Variants in TESK1 observed in about 807,000 individuals in gnomAD.
The protein encoded by TESK1 is dual specificity testis-specific protein kinase 1.
Under a neutral mutation model 59.9 loss-of-function variants are expected in TESK1, and 18 were observed. That is an observed-to-expected ratio of 0.30 (90% CI 0.21 to 0.45). The LOEUF is 0.45. Among genes scored for constraint, TESK1 ranks in the 20% least tolerant of loss-of-function variants. The probability of loss-of-function intolerance (pLI) is 1.00; values close to 1 mark genes in which losing one functional copy is unlikely to be tolerated. For synonymous variants in TESK1, 341 were observed against 357.4 expected, an observed-to-expected ratio of 0.95 and a Z score of 0.52; for missense variants, 748 against 840.9, an observed-to-expected ratio of 0.89 and a Z score of 1.37.
chr9:35,609,253 T>C lies in TESK1; in HGVS notation c.1392T>C (p.Ala464=), dbSNP rs1174699469. 1.9e-6 allele frequency: 3 copies of C among 1,614,086 alleles called. No homozygotes were observed. Among genetic ancestry groups the C allele is most frequent in the Middle Eastern group, 1.6e-4 (1 of 6,062 alleles). The part of the protein sequence containing the change: ...GPGPPAVGPS[A]EEKMECEGSS... The stretch of plus-strand genomic sequence containing the variant: ...GCCCTCCCGCTGTGGGCCCCTCGGC[T>C]GAAGAGAAGATGGAGTGCGAGGGCA... The change falls in exon 10 of 10, where the codon GCT becomes GCC. Residue 464 remains alanine, a synonymous_variant. Transcript: ENST00000336395. The surrounding 1 kb of genome is among the most constrained non-coding windows in gnomAD (Gnocchi z 6.7).
chr9:35,605,869 G>T (rs1822837060), intron 1 of TESK1, 31 bp downstream of exon 1: 14 of 1,607,634 alleles, frequency 8.7e-6, no homozygotes, highest in Non-Finnish European at 1.2e-5. Flanking sequence ...AGAGGGGCGG[G>T]ACCGAGCCTT....
chr9:35,609,844 G>A lies in TESK1; in HGVS notation c.*102G>A, dbSNP rs1047762604. On this transcript the variant is annotated 3_prime_UTR_variant, in exon 10 of 10. Coordinates refer to ENST00000336395, the MANE Select transcript of TESK1 (RefSeq NM_006285.3). The surrounding 1 kb of genome is among the most constrained non-coding windows in gnomAD (Gnocchi z 6.7). ...AGTGCCAGTTCCAGATGGGCTGACC[G>A]GCTCTTCTCCCCGTGTAGGGGAGCC... 17 of 1,347,070 alleles carry A rather than the reference G, an allele frequency of 1.3e-5. No individual in the cohort carries two copies. The highest frequency in any genetic ancestry group is 1.5e-5 in the South Asian group (1 of 65,584). 83.4% of individuals were successfully genotyped at this position (1,347,070 alleles called of 1,614,324 possible).
At chr9:35,606,697 A>G in intron 3 of TESK1, 140 bp from the exon 4 acceptor site, 1 of 733,856 alleles carries the variant, frequency 1.4e-6, no homozygotes, top group East Asian at 2.7e-5. Flanking sequence ...ATCCTAGAAC[A>G]TGGATGGGGG....
rs547421043 is a variant in TESK1, at chr9:35,606,424, C to T, written c.390+139C>T. ...CTCAGGGGAGGCTTTCCTGAACTTT[C>T]CTTTAGGCAAACCACATATAAAAGG... On this transcript the variant is annotated intron_variant, in intron 3 of 9. Coordinates refer to ENST00000336395, the MANE Select transcript of TESK1 (RefSeq NM_006285.3). 5.9e-4 allele frequency: 594 copies of T among 1,003,014 alleles called. 1 individual carries two copies. The highest frequency in any genetic ancestry group is 8.3e-4 in the Non-Finnish European group (546 of 659,346). The allele number at this position is 1,003,014 out of a possible 1,614,324, so 62.1% of individuals were successfully genotyped here. A position where few individuals can be genotyped will look rare whatever the true frequency, so the allele number is the denominator to read the frequency against.
chr9:35,607,218 C>G lies in TESK1; in HGVS notation c.538-109C>G. 7.0e-7 allele frequency: 1 copy of G among 1,430,694 alleles called. No homozygotes were observed. The highest frequency in any genetic ancestry group is 9.8e-7 in the Non-Finnish European group (1 of 1,022,168). The allele number at this position is 1,430,694 out of a possible 1,614,324, so 88.6% of individuals were successfully genotyped here. A position where few individuals can be genotyped will look rare whatever the true frequency, so the allele number is the denominator to read the frequency against. Reference sequence around the variant, plus strand: ...GAAGTGCCTTGAAAAACTGGGAGAGCAGAGAGGGTTGGAGTTATGCTGGAG... The same window carrying G: ...GAAGTGCCTTGAAAAACTGGGAGAGGAGAGAGGGTTGGAGTTATGCTGGAG... On this transcript the variant is annotated intron_variant, in intron 4 of 9. Coordinates refer to ENST00000336395, the MANE Select transcript of TESK1 (RefSeq NM_006285.3). This position sits in a 1 kb window ranked among gnomAD's most constrained non-coding sequence, Gnocchi z 4.5.
chr9:35,609,424 G>C lies in TESK1; in HGVS notation c.1563G>C (p.Val521=). 1 of 1,609,056 alleles carries C rather than the reference G, an allele frequency of 6.2e-7. No individual in the cohort carries two copies. The highest frequency in any genetic ancestry group is 8.5e-7 in the Non-Finnish European group (1 of 1,177,414). The change falls in exon 10 of 10, where the codon GTG becomes GTC. Residue 521 remains valine, a synonymous_variant. Coordinates refer to ENST00000336395, the MANE Select transcript of TESK1 (RefSeq NM_006285.3). The surrounding 1 kb of genome is among the most constrained non-coding windows in gnomAD (Gnocchi z 6.7). The part of the protein sequence containing the change: ...GPVLNNNPPA[V]VVNSPQGWAG... ...TCCTCAATAACAATCCCCCAGCTGT[G>C]GTGGTGAACTCCCCACAAGGCTGGG... is the stretch of plus-strand genomic sequence containing the variant.
rs1002067089 is a variant in TESK1, at chr9:35,609,902, G to T, written c.*160G>T. 1 of 848,736 alleles carries T rather than the reference G, an allele frequency of 1.2e-6. No homozygotes were observed. The highest frequency in any genetic ancestry group is 1.7e-6 in the Non-Finnish European group (1 of 578,844). 52.6% of individuals were successfully genotyped at this position (848,736 alleles called of 1,614,324 possible). On this transcript the variant is annotated 3_prime_UTR_variant, in exon 10 of 10. Transcript: ENST00000336395. This position sits in a 1 kb window ranked among gnomAD's most constrained non-coding sequence, Gnocchi z 6.7. ...GGACTCAAGGGACAGAGCACTTCCA[G>T]TCGACCCCCCGGCTCGCGTTCCCGT...
At position 35,609,402 on chromosome 9, in the gene TESK1, T is replaced by G. The variant is rs867863847; in HGVS notation, c.1541T>G (p.Leu514Arg). 1.2e-6 allele frequency: 2 copies of G among 1,608,838 alleles called. No homozygotes were observed. Among genetic ancestry groups the G allele is most frequent in the Middle Eastern group, 1.7e-4 (1 of 6,038 alleles). The change falls in exon 10 of 10, where the codon CTC becomes CGC. Residue 514 changes from leucine (L) to arginine (R), a missense_variant. By Grantham distance (102) the Leu-to-Arg change is moderately radical (BLOSUM62 -2). Around this residue, in one of 3 missense-constraint regions of TESK1, gnomAD observed 447 missense variants for 466.1 expected, o/e 0.96. Transcript: ENST00000336395. This position sits in a 1 kb window ranked among gnomAD's most constrained non-coding sequence, Gnocchi z 6.7. ...TGGTCCCCTAGATCAGGACCCGTCC[T>G]CAATAACAATCCCCCAGCTGTGGTG... The part of the protein sequence containing the change: ...QPWSPRSGPV[L>R]NNNPPAVVVN...
At chr9:35,606,663 A>G (rs7028204) in intron 3 of TESK1, among the ~76,000 whole-genome samples, 174 bp from the exon 4 acceptor site, 2,895 of 152,146 alleles carry the variant, frequency 0.019, 96 homozygotes, top group African/African-American at 0.063. Context: ...CACATGGCTA[A>G]TGGCTATTGA....
At position 35,606,896 on chromosome 9, in the gene TESK1, G is replaced by A. The variant is rs774204273; in HGVS notation, c.450G>A (p.Pro150=). ...GCTCCCCTGAACCCCTGTCCTGGCC[G>A]GTCAGGCTCCACCTGGCCCTGGACA... ...LLSSPEPLSW[P]VRLHLALDIA... Residue 150 remains proline, a synonymous_variant, in exon 4 of 10, where the codon CCG becomes CCA. Transcript: ENST00000336395. 1.1e-5 allele frequency: 18 copies of A among 1,613,680 alleles called. No homozygotes were observed. Among genetic ancestry groups the A allele is most frequent in the East Asian group, 2.2e-5 (1 of 44,898 alleles).
In TESK1 at chr9:35,608,546, T is replaced by C. The variant is rs1240234737; in HGVS notation, c.1000+37T>C. The C allele has an allele frequency of 2.5e-6, 4 of 1,583,868 alleles. No individual in the cohort carries two copies. In the African/African-American group the frequency reaches 5.4e-5, roughly 21 times the overall value. On this transcript the variant is annotated intron_variant, in intron 9 of 9. Transcript: ENST00000336395. The stretch of plus-strand genomic sequence containing the variant: ...TGACCTTGATCCAGCTTGAGTCCTT[T>C]GGCCTTTGTCCTCCCTAGAATTCAG...
chr9:35,609,413 C>A lies in TESK1; in HGVS notation c.1552C>A (p.Pro518Thr), dbSNP rs1396786352. 6.2e-7 allele frequency: 1 copy of A among 1,608,578 alleles called. No individual in the cohort carries two copies. Residue 518 changes from proline to threonine, a missense_variant, in exon 10 of 10, where the codon CCC becomes ACC. Around this residue, in one of 3 missense-constraint regions of TESK1, gnomAD observed 447 missense variants for 466.1 expected, o/e 0.96. Transcript: ENST00000336395. The surrounding 1 kb of genome is among the most constrained non-coding windows in gnomAD (Gnocchi z 6.7). ...PRSGPVLNNN[P>T]PAVVVNSPQG... ...ATCAGGACCCGTCCTCAATAACAAT[C>A]CCCCAGCTGTGGTGGTGAACTCCCC...
rs1159221660 is a variant in TESK1, at chr9:35,608,944, GCC to G, written c.1087_1088del (p.Pro363IlefsTer102). Reference sequence around the variant, plus strand: ...CCCGAAGCCGGTCAGACCTCTTCCTGCCCCCATCACCAGAATCACCCCCCAAC... The same window carrying G: ...CCCGAAGCCGGTCAGACCTCTTCCTGCCCATCACCAGAATCACCCCCCAAC... ...LSRSRSDLFL[P>X]PSPESPPNWG... On this transcript the variant is annotated frameshift_variant, in exon 10 of 10. Transcript: ENST00000336395. LOFTEE classifies it high-confidence loss of function. 1 of 1,614,040 alleles carries G rather than the reference GCC, an allele frequency of 6.2e-7. No individual in the cohort carries two copies.
rs768606302 is a variant in TESK1 at position 35,607,351 on chromosome 9, C to G, written c.562C>G (p.Arg188Gly). ...GAACTGTCTAGTCCGACGGGAAGAT[C>G]GAGGCTTCACCGCTGTCGTGGGTGA... ...SKNCLVRRED[R>G]GFTAVVGDFG... The change falls in exon 5 of 10, where the codon CGA becomes GGA. Residue 188 changes from arginine to glycine, a missense_variant. Physicochemically the swap from Arg to Gly is moderately radical, Grantham distance 125. Transcript: ENST00000336395. This position sits in a 1 kb window ranked among gnomAD's most constrained non-coding sequence, Gnocchi z 4.5. The G allele has an allele frequency of 1.3e-5, 21 of 1,613,938 alleles. No homozygotes were observed. Among genetic ancestry groups the G allele is most frequent in the Non-Finnish European group, 1.7e-5 (20 of 1,180,000 alleles).
chr9:35,607,288 G>C lies in TESK1; in HGVS notation c.538-39G>C. The stretch of plus-strand genomic sequence containing the variant: ...ACATTGGGAGGCCAGACAGCAGAAG[G>C]TGATGAGTGCGTGGGGATACTATGT... On this transcript the variant is annotated intron_variant, in intron 4 of 9. Coordinates refer to ENST00000336395, the MANE Select transcript of TESK1 (RefSeq NM_006285.3). This position sits in a 1 kb window ranked among gnomAD's most constrained non-coding sequence, Gnocchi z 4.5. The C allele has an allele frequency of 6.2e-7, 1 of 1,611,372 alleles. No individual in the cohort carries two copies. Among genetic ancestry groups the C allele is most frequent in the East Asian group, 2.2e-5 (1 of 44,850 alleles).
rs1822824628 is a variant in TESK1 at position 35,605,522 on chromosome 9, G to T, written c.-98G>T. ...TCAGGGCGGGAGCCGGAGTCCGGGC[G>T]CCCGGGATCGGGCTGGGCCCGCGCC... On this transcript the variant is annotated 5_prime_UTR_variant, in exon 1 of 10. Coordinates refer to ENST00000336395, the MANE Select transcript of TESK1 (RefSeq NM_006285.3). 3.4e-6 allele frequency: 1 copy of T among 296,350 alleles called. No homozygotes were observed. The highest frequency in any genetic ancestry group is 6.0e-6 in the Non-Finnish European group (1 of 167,142). The allele number at this position is 296,350 out of a possible 1,614,324, so 18.4% of individuals were successfully genotyped here. A position where few individuals can be genotyped will look rare whatever the true frequency, so the allele number is the denominator to read the frequency against.
intron 1 of TESK1, 38 bp from the exon 2 acceptor site, chr9:35,605,946 C>G: frequency 1.2e-6 from 2 of 1,611,102 alleles, no homozygotes; most frequent in East Asian, 2.2e-5. Flanking sequence ...GCGACCCGCC[C>G]GACCTGCCCG....
At position 35,609,024 on chromosome 9, in the gene TESK1, G is replaced by A. The variant is rs1429924339; in HGVS notation, c.1163G>A (p.Arg388Lys). ...VNPFSLREDL[R>K]GGKIKLLDTP... ...CCCTTCTCACTACGGGAAGACCTCA[G>A]GGGTGGCAAGATCAAGCTCTTAGAC... is the stretch of plus-strand genomic sequence containing the variant. The change falls in exon 10 of 10, where the codon AGG (arginine) becomes AAG (lysine). Residue 388 changes from arginine (R) to lysine (K), a missense_variant. This residue lies in a region of TESK1 where 447 missense variants were observed against 466.1 expected (regional missense o/e 0.96). Coordinates refer to ENST00000336395, the MANE Select transcript of TESK1 (RefSeq NM_006285.3). The surrounding 1 kb of genome is among the most constrained non-coding windows in gnomAD (Gnocchi z 6.7). 1.9e-6 allele frequency: 3 copies of A among 1,614,188 alleles called. No homozygotes were observed. The highest frequency in any genetic ancestry group is 1.1e-5 in the South Asian group (1 of 91,088).
At chr9:35,608,090 G>C (rs749337264) in intron 7 of TESK1, 70 bp from the exon 8 acceptor site, 1 of 1,609,028 alleles carries the variant, frequency 6.2e-7, no homozygotes, top group African/African-American at 1.3e-5. Flanking sequence ...AGAGGTTGAG[G>C]TTCTGACTGG....
Sources: gnomAD v4.1 joint callset for allele counts (sites outside exome capture counted in the v4.1 genomes callset) on GRCh38, gnomAD v4.1.1 for gene constraint, gnomAD v4.1.1 regional missense constraint, Gnocchi (gnomAD v3.1) non-coding constraint, MANE v1.5 for transcripts, NCBI Gene and HGNC (gene_info 2026-07-23, HGNC 2026-07-21) for gene names.